The following EFR3A variants were observed in gnomAD, a reference collection of about 807,000 sequenced individuals.
The protein encoded by EFR3A is EFR3 homolog A.
In EFR3A, 76 loss-of-function variants were observed where a neutral mutation model predicts 104.4. That is an observed-to-expected ratio of 0.73 (90% CI 0.60 to 0.88). The LOEUF is 0.88. Ranked by LOEUF, EFR3A falls within the 40% of genes least tolerant of loss-of-function variation. EFR3A has a pLI of 0.00. For missense variants in EFR3A, 985 were observed against 1,012.5 expected (o/e 0.97, Z 0.37); for synonymous variants, 330 against 330.0 (o/e 1.00, Z 0.00).
At chr8:131,946,102 T>C (rs1190687906) in intron 3 of EFR3A, among the ~76,000 whole-genome samples, 1 of 152,040 alleles carries the variant, frequency 6.6e-6, no homozygotes, top group Non-Finnish European at 1.5e-5. Context: ...TTTAGACATA[T>C]AAGTAGATTA....
rs1465328260 is a variant in EFR3A, at chr8:131,972,307, C to T, written c.1159+1664C>T. Among the ~76,000 whole-genome samples the T allele has an allele frequency of 1.1e-4, 16 of 147,902 alleles. No homozygotes were observed. The East Asian group carries it at 3.0e-3, about 28-fold the overall frequency. ...CCTTACTTGAGTAAGCGGTTCCAGACGAATTCTGTACTTTCTGCCCCAGCC... is the reference window on the plus strand; with the variant it reads ...CCTTACTTGAGTAAGCGGTTCCAGATGAATTCTGTACTTTCTGCCCCAGCC... On this transcript the variant is annotated intron_variant, in intron 10 of 22. Coordinates refer to ENST00000254624, the MANE Select transcript of EFR3A (RefSeq NM_015137.6).
chr8:131,966,380 C>A (rs930451193), intron 8 of EFR3A, among the ~76,000 whole-genome samples: 2 of 152,060 alleles, frequency 1.3e-5, no homozygotes, highest in African/African-American at 4.8e-5. Context: ...AGAAGAGTGC[C>A]AGTGCTTCTG....
At chr8:131,915,311 C>A (rs938345481) in intron 1 of EFR3A, among the ~76,000 whole-genome samples, 8 of 152,176 alleles carry the variant, frequency 5.3e-5, no homozygotes, top group African/African-American at 1.9e-4. Context: ...CTGTTTTGCT[C>A]TCATGATCTC....
intron 1 of EFR3A, among the ~76,000 whole-genome samples, chr8:131,913,742 A>G (rs936155414): frequency 1.3e-5 from 2 of 152,154 alleles, no homozygotes; most frequent in Admixed American, 6.5e-5. Flanking sequence ...GCAATTAGCT[A>G]CCAAGTTCCC....
At chr8:131,908,294 T>C (rs58019061) in intron 1 of EFR3A, among the ~76,000 whole-genome samples, 20,270 of 152,050 alleles carry the variant, frequency 0.13, 1,534 homozygotes, top group South Asian at 0.24. Flanking sequence ...TCTCCTGACC[T>C]CGTGATCCAC....
chr8:131,981,160 C>T (rs1820593209), intron 14 of EFR3A, among the ~76,000 whole-genome samples: 1 of 151,652 alleles, frequency 6.6e-6, no homozygotes, highest in Non-Finnish European at 1.5e-5. Context: ...CAATTTATAA[C>T]TAATTTTTGA....
intron 7 of EFR3A, among the ~76,000 whole-genome samples, chr8:131,958,438 G>C (rs1306914396): frequency 5.9e-5 from 9 of 151,976 alleles, no homozygotes; most frequent in African/African-American, 2.2e-4. Context: ...TTAATTAGTG[G>C]GTTTCATTTC....
chr8:131,904,338 A>C lies in EFR3A; in HGVS notation c.10+16A>C, dbSNP rs898584700. On this transcript the variant is annotated intron_variant, in intron 1 of 22. Coordinates refer to ENST00000254624, the MANE Select transcript of EFR3A (RefSeq NM_015137.6). ...ATGCCTACCCGTGAGTGGCCGGCCG[A>C]GGGCCGGGGGCGTTGGGAGGCGACT... The C allele has an allele frequency of 1.6e-6, 2 of 1,250,176 alleles. No individual in the cohort carries two copies. The highest frequency in any genetic ancestry group is 2.0e-6 in the Non-Finnish European group (2 of 996,336). The allele number at this position is 1,250,176 out of a possible 1,614,324, so 77.4% of individuals were successfully genotyped here. A position where few individuals can be genotyped will look rare whatever the true frequency, so the allele number is the denominator to read the frequency against.
At chr8:131,924,206 A>G (rs777933101) in intron 1 of EFR3A, 9 of 342,716 alleles carry the variant, frequency 2.6e-5, no homozygotes, top group South Asian at 1.3e-4. Flanking sequence ...ATTTCTGCAT[A>G]CCCCATTCAG....
intron 14 of EFR3A, among the ~76,000 whole-genome samples, chr8:131,980,763 C>G (rs1411393816): frequency 6.6e-6 from 1 of 151,900 alleles, no homozygotes; most frequent in Admixed American, 6.6e-5. Context: ...AACTTAACTC[C>G]TTCTATCTGT....
intron 8 of EFR3A, among the ~76,000 whole-genome samples, chr8:131,966,217 AT>A (rs1338215319): frequency 1.3e-5 from 2 of 152,140 alleles, no homozygotes; most frequent in African/African-American, 2.4e-5. Context: ...TAATAAAAAA[AT>A]AAATAAATAA....
At chr8:131,944,529 G>C (rs1818324953) in intron 2 of EFR3A, among the ~76,000 whole-genome samples, 1 of 152,012 alleles carries the variant, frequency 6.6e-6, no homozygotes, top group Non-Finnish European at 1.5e-5. Flanking sequence ...TTCACTGTTT[G>C]TGCTTTGCAT....
intron 1 of EFR3A, among the ~76,000 whole-genome samples, chr8:131,909,636 T>C (rs1373179469): frequency 6.6e-6 from 1 of 152,182 alleles, no homozygotes; most frequent in East Asian, 1.9e-4. Flanking sequence ...AGAATACAAA[T>C]GGAGGTCTGC....
At position 131,949,838 on chromosome 8, in the gene EFR3A, A is replaced by G. The variant is rs1307494568; in HGVS notation, c.367-131A>G. 7.1e-6 allele frequency: 6 copies of G among 841,728 alleles called. No homozygotes were observed. The East Asian group carries it at 1.7e-4, about 24-fold the overall frequency. 52.1% of individuals were successfully genotyped at this position (841,728 alleles called of 1,614,324 possible). On this transcript the variant is annotated intron_variant, in intron 4 of 22. Coordinates refer to ENST00000254624, the MANE Select transcript of EFR3A (RefSeq NM_015137.6). ...AAGAAAGAAAGTTTCTTCTGTATTA[A>G]TGTTGTATTTGATGTTTTGTTTGTT...
intron 7 of EFR3A, among the ~76,000 whole-genome samples, chr8:131,956,219 C>T (rs1425453954): frequency 6.6e-6 from 1 of 152,158 alleles, no homozygotes; most frequent in African/African-American, 2.4e-5. Context: ...AGTGTCTAAG[C>T]ATGATGTATC....
intron 10 of EFR3A, among the ~76,000 whole-genome samples, chr8:131,975,690 A>G (rs1820292532): frequency 1.3e-5 from 2 of 152,126 alleles, no homozygotes; most frequent in African/African-American, 4.8e-5. Flanking sequence ...TGTTGGGATT[A>G]TGGGCATGAG....
At chr8:132,004,693 A>G (rs1821950205) in intron 22 of EFR3A, among the ~76,000 whole-genome samples, 1 of 152,212 alleles carries the variant, frequency 6.6e-6, no homozygotes, top group South Asian at 2.1e-4. Flanking sequence ...CTTATGCTAC[A>G]TGGTTTATAT....
chr8:131,979,360 T>C lies in EFR3A; in HGVS notation c.1514T>C (p.Val505Ala). ...ATCGTCTCTAGAATAATACCGGATG[T>C]AGCTGACCTAAAGATAAAAAGAGAA... ...KLRGIRIIPDVADLKIKREKI... is the reference protein window; with the variant it reads ...KLRGIRIIPDAADLKIKREKI... The change falls in exon 14 of 23, where the codon GTA becomes GCA. Residue 505 changes from valine (V) to alanine (A), a missense_variant. Val to Ala is a moderately conservative substitution (Grantham distance 64, BLOSUM62 0). Transcript: ENST00000254624. The C allele has an allele frequency of 6.4e-7, 1 of 1,565,334 alleles. No homozygotes were observed. The highest frequency in any genetic ancestry group is 8.7e-7 in the Non-Finnish European group (1 of 1,153,254).
chr8:131,996,279 A>G (rs2130790112), intron 18 of EFR3A, 127 bp from the exon 19 acceptor site: 1 of 576,120 alleles, frequency 1.7e-6, no homozygotes, highest in African/African-American at 1.9e-5. Context: ...TGTATTTAGA[A>G]GGAACAAAAA....
Sources: gnomAD v4.1 joint callset for allele counts (sites outside exome capture counted in the v4.1 genomes callset) on GRCh38, gnomAD v4.1.1 for gene constraint, MANE v1.5 for transcripts, NCBI Gene and HGNC (gene_info 2026-07-23, HGNC 2026-07-21) for gene names.